DLG2: variants seen among roughly 807,000 people sequenced by gnomAD.
DLG2 encodes disks large homolog 2.
Under a neutral mutation model 132.5 loss-of-function variants are expected in DLG2, and 45 were observed. That is an observed-to-expected ratio of 0.34 (90% CI 0.27 to 0.44). DLG2 has a LOEUF of 0.44. Ranked by LOEUF, DLG2 falls within the 20% of genes least tolerant of loss-of-function variation. DLG2 has a pLI of 1.00. For synonymous variants in DLG2, 424 were observed against 419.6 expected (o/e 1.01, Z -0.13); for missense variants, 1,045 against 1,196.9 (o/e 0.87, Z 1.87).
chr11:84,167,441 C>A (rs2154266208), intron 8 of DLG2, among the ~76,000 whole-genome samples: 1 of 152,084 alleles, frequency 6.6e-6, no homozygotes, highest in Non-Finnish European at 1.5e-5. Context: ...CTTTTTTCTA[C>A]TTCAATGATA....
chr11:84,059,484 C>G lies in DLG2; in HGVS notation c.750G>C (p.Arg250Ser). The change falls in exon 11 of 28, where the codon AGG (arginine) becomes AGC (serine). Residue 250 changes from arginine to serine, a missense_variant and splice_region_variant. By Grantham distance (110) the Arg-to-Ser change is moderately radical. Around this residue, in one of 4 missense-constraint regions of DLG2, gnomAD observed 109 missense variants for 159.1 expected, o/e 0.69. Coordinates refer to ENST00000376104, the MANE Select transcript of DLG2 (RefSeq NM_001142699.3). ...TCACCCGCAAGATACAATCATTGAC[C>G]CTGCAAGGAAGGAAAAGAGTCAAGA... Reference protein sequence around the residue: ...GGAAAEDGRLRVNDCILRVNE... With the variant: ...GGAAAEDGRLSVNDCILRVNE... The G allele has an allele frequency of 6.4e-7, 1 of 1,569,100 alleles. No individual in the cohort carries two copies. Among genetic ancestry groups the G allele is most frequent in the Non-Finnish European group, 8.6e-7 (1 of 1,158,110 alleles).
At chr11:84,434,935 A>C in intron 7 of DLG2, among the ~76,000 whole-genome samples, 1 of 151,432 alleles carries the variant, frequency 6.6e-6, no homozygotes, top group Non-Finnish European at 1.5e-5. Flanking sequence ...AAAAAAAAAA[A>C]AAGAAAAGCC....
intron 19 of DLG2, among the ~76,000 whole-genome samples, chr11:83,582,035 C>A (rs934920230): frequency 7.3e-6 from 1 of 136,240 alleles, no homozygotes; most frequent in Non-Finnish European, 1.5e-5. Context: ...CAGCTCACTG[C>A]AACCTCCGCC....
At chr11:83,609,945 T>C (rs1409436757) in intron 19 of DLG2, among the ~76,000 whole-genome samples, 1 of 152,188 alleles carries the variant, frequency 6.6e-6, no homozygotes, top group African/African-American at 2.4e-5. Flanking sequence ...AAATACTTGG[T>C]ACTTGGATTT....
At chr11:83,931,781 G>C (rs866550126) in intron 14 of DLG2, among the ~76,000 whole-genome samples, 1 of 152,066 alleles carries the variant, frequency 6.6e-6, no homozygotes, top group Non-Finnish European at 1.5e-5. Context: ...TTGGTGTTTG[G>C]AGCAGGCTTT....
At chr11:84,097,634 C>T (rs1289689235) in intron 10 of DLG2, among the ~76,000 whole-genome samples, 2 of 152,126 alleles carry the variant, frequency 1.3e-5, no homozygotes, top group African/African-American at 4.8e-5. Flanking sequence ...TTCACATATC[C>T]TTCCTATCTT....
intron 6 of DLG2, among the ~76,000 whole-genome samples, chr11:84,946,892 G>T (rs2050280268): frequency 6.6e-6 from 1 of 152,180 alleles, no homozygotes; most frequent in African/African-American, 2.4e-5. Context: ...TCAGGTTCTG[G>T]CTGCTGAGAT....
intron 14 of DLG2, among the ~76,000 whole-genome samples, chr11:83,957,807 A>G (rs2087303039): frequency 2.0e-5 from 3 of 152,050 alleles, no homozygotes; most frequent in Non-Finnish European, 4.4e-5. Flanking sequence ...TGGCTTTGCT[A>G]TTCCCTCTTC....
chr11:85,214,966 G>T (rs1031207085), intron 4 of DLG2, among the ~76,000 whole-genome samples: 1 of 152,140 alleles, frequency 6.6e-6, no homozygotes, highest in Non-Finnish European at 1.5e-5. Context: ...ATCCAAGTCA[G>T]ATCTGGCCCC....
chr11:84,358,363 ATTT>A (rs770602681), intron 7 of DLG2, among the ~76,000 whole-genome samples: 11 of 121,468 alleles, frequency 9.1e-5, no homozygotes, highest in Admixed American at 1.7e-4. Context: ...AAGTCCCAGT[ATTT>A]TTTTTTTTTT....
intron 6 of DLG2, among the ~76,000 whole-genome samples, chr11:84,861,294 G>A (rs1462018686): frequency 6.6e-6 from 1 of 152,088 alleles, no homozygotes; most frequent in Non-Finnish European, 1.5e-5. Context: ...GGGCCTGAGA[G>A]AAGTTTGTAG....
chr11:84,743,748 T>G lies in DLG2; in HGVS notation c.358-209017A>C, dbSNP rs139427285. The stretch of plus-strand genomic sequence containing the variant: ...CATACTGAAGGAAAGAGAATTTTCT[T>G]TTCTTTTTTTTTTTGAGACAGGCTG... On this transcript the variant is annotated intron_variant, in intron 6 of 27. Transcript: ENST00000376104. Among the ~76,000 whole-genome samples the G allele has an allele frequency of 1.4e-3, 195 of 134,920 alleles. No homozygotes were observed. In the East Asian group the frequency reaches 0.022, roughly 15 times the overall value. 88.5% of individuals were successfully genotyped at this position (134,920 alleles called of 152,430 possible). A position where few individuals can be genotyped will look rare whatever the true frequency, so the allele number is the denominator to read the frequency against.
At chr11:83,617,603 A>T (rs187114049) in intron 19 of DLG2, among the ~76,000 whole-genome samples, 92 of 152,266 alleles carry the variant, frequency 6.0e-4, no homozygotes, top group African/African-American at 2.2e-3. Context: ...CCTTCCAATC[A>T]TCTTACTTTT....
chr11:83,680,489 T>C (rs993214608), intron 18 of DLG2, among the ~76,000 whole-genome samples: 1 of 152,140 alleles, frequency 6.6e-6, no homozygotes, highest in African/African-American at 2.4e-5. Context: ...TTGCTGAATC[T>C]CCTATCTTAA....
At chr11:85,311,658 A>G (rs1380959268) in intron 3 of DLG2, among the ~76,000 whole-genome samples, 4 of 152,100 alleles carry the variant, frequency 2.6e-5, no homozygotes. Flanking sequence ...GAAACCTTAT[A>G]GATAACTTTT....
chr11:85,369,019 G>A (rs1244086247), intron 3 of DLG2, among the ~76,000 whole-genome samples: 1 of 152,146 alleles, frequency 6.6e-6, no homozygotes, highest in Non-Finnish European at 1.5e-5. Flanking sequence ...AACATTTTTG[G>A]CACCAAACAT....
At chr11:85,364,844 AG>A (rs2084416900) in intron 3 of DLG2, among the ~76,000 whole-genome samples, 2 of 151,950 alleles carry the variant, frequency 1.3e-5, no homozygotes, top group Admixed American at 6.6e-5. Flanking sequence ...TTTATCACAT[AG>A]TTTTTTTGTT....
At chr11:84,738,431 C>G (rs2064151767) in intron 6 of DLG2, among the ~76,000 whole-genome samples, 1 of 152,034 alleles carries the variant, frequency 6.6e-6, no homozygotes, top group East Asian at 1.9e-4. Context: ...AAGGACATAA[C>G]AACAATATGT....
chr11:85,098,078 T>G (rs1226885791), intron 6 of DLG2, among the ~76,000 whole-genome samples: 1 of 152,210 alleles, frequency 6.6e-6, no homozygotes, highest in Admixed American at 6.5e-5. Context: ...AATCATAAGA[T>G]AAGGACTGAA....
Sources: allele counts gnomAD v4.1 joint callset (sites outside exome capture counted in the v4.1 genomes callset), GRCh38; gene constraint gnomAD v4.1.1; regional missense constraint gnomAD v4.1.1; transcripts MANE v1.5; gene names NCBI Gene and HGNC (gene_info 2026-07-23, HGNC 2026-07-21).